The following CADPS variants were observed in gnomAD, a reference collection of about 807,000 sequenced individuals.
CADPS encodes the protein calcium-dependent secretion activator 1.
In CADPS, 57 loss-of-function variants were observed where a neutral mutation model predicts 167.3. The ratio of observed to expected loss-of-function variants is 0.34; its 90% CI spans 0.28 to 0.42. The LOEUF is 0.42. Among genes scored for constraint, CADPS ranks in the 20% least tolerant of loss-of-function variants. The probability of loss-of-function intolerance (pLI) is 1.00; values close to 1 mark genes in which losing one functional copy is unlikely to be tolerated. For missense variants in CADPS, 1,414 were observed against 1,738.1 expected (o/e 0.81, Z 3.32); for synonymous variants, 676 against 635.3 (o/e 1.06, Z -0.96).
At chr3:62,737,717 T>C (rs554294566) in intron 3 of CADPS, among the ~76,000 whole-genome samples, 1 of 152,296 alleles carries the variant, frequency 6.6e-6, no homozygotes, top group East Asian at 1.9e-4. Flanking sequence ...CACACTGATC[T>C]TATGTCTTGG....
chr3:62,402,029 GTCCATAGTCTAAGTGTATACAT>G (rs1429016680), intron 29 of CADPS, among the ~76,000 whole-genome samples: 1 of 152,154 alleles, frequency 6.6e-6, no homozygotes, highest in Non-Finnish European at 1.5e-5. Context: ...ATGAGGCTGG[GTCCATAGTCTAAGTGTATACAT>G]TCGTTTTTTA....
Position 62,399,720 on chromosome 3 carries a change from G to C in CADPS, c.3883-135C>G. 1 of 654,984 alleles carries C rather than the reference G, an allele frequency of 1.5e-6. No homozygotes were observed. The highest frequency in any genetic ancestry group is 2.6e-5 in the East Asian group (1 of 38,340). The allele number at this position is 654,984 out of a possible 1,614,324, so 40.6% of individuals were successfully genotyped here. A position where few individuals can be genotyped will look rare whatever the true frequency, so the allele number is the denominator to read the frequency against. On this transcript the variant is annotated intron_variant, in intron 29 of 29. Coordinates refer to ENST00000383710, the MANE Select transcript of CADPS (RefSeq NM_003716.4). The surrounding 1 kb of genome is among the most constrained non-coding windows in gnomAD (Gnocchi z 5.6). ...CACTTTATGCATTGTCAAATAAAAA[G>C]CCACTGTGCTTAGATTTCACTTGTA...
At chr3:62,407,430 G>A (rs932736777) in intron 28 of CADPS, among the ~76,000 whole-genome samples, 4 of 152,126 alleles carry the variant, frequency 2.6e-5, no homozygotes, top group South Asian at 2.1e-4. Flanking sequence ...CTAGATTTAC[G>A]TCTTGAATTA....
chr3:62,682,291 CA>C (rs1292396501), intron 3 of CADPS, among the ~76,000 whole-genome samples: 1 of 151,124 alleles, frequency 6.6e-6, no homozygotes, highest in African/African-American at 2.4e-5. Context: ...TACTTTAGCA[CA>C]GGGAATCTAC....
intron 28 of CADPS, among the ~76,000 whole-genome samples, chr3:62,419,131 G>T (rs2050787793): frequency 6.6e-6 from 1 of 152,128 alleles, no homozygotes; most frequent in African/African-American, 2.4e-5. Context: ...AAAAGGAATG[G>T]CTCTCTTATG....
chr3:62,540,436 ATTAACT>A, intron 11 of CADPS, among the ~76,000 whole-genome samples: 1 of 152,128 alleles, frequency 6.6e-6, no homozygotes, highest in African/African-American at 2.4e-5. Flanking sequence ...AGGAGGGGTT[ATTAACT>A]GGCTTACTCT....
chr3:62,653,231 G>T (rs1173591380), intron 4 of CADPS, among the ~76,000 whole-genome samples: 1 of 152,074 alleles, frequency 6.6e-6, no homozygotes, highest in African/African-American at 2.4e-5. Flanking sequence ...ATTTGAAGAT[G>T]GGCCTTGGGA....
At chr3:62,762,522 T>C (rs2085730773) in intron 2 of CADPS, among the ~76,000 whole-genome samples, 1 of 151,884 alleles carries the variant, frequency 6.6e-6, no homozygotes, top group Admixed American at 6.6e-5. Flanking sequence ...TCTGGCATGG[T>C]GGCATGCACC....
chr3:62,449,009 C>T (rs1401153532), intron 26 of CADPS, among the ~76,000 whole-genome samples: 1 of 152,148 alleles, frequency 6.6e-6, no homozygotes, highest in Non-Finnish European at 1.5e-5. Flanking sequence ...AGGCATCTTG[C>T]CTAGAAAAAG....
intron 26 of CADPS, among the ~76,000 whole-genome samples, chr3:62,451,034 G>A (rs770165671): frequency 2.0e-5 from 3 of 151,756 alleles, no homozygotes; most frequent in Non-Finnish European, 4.4e-5. Context: ...CTATATTTAA[G>A]TCTTAATTTT....
At chr3:62,691,348 T>G (rs538342857) in intron 3 of CADPS, among the ~76,000 whole-genome samples, 40 of 152,092 alleles carry the variant, frequency 2.6e-4, no homozygotes, top group Admixed American at 9.8e-4. Context: ...GATATATCAG[T>G]GTAGGCTCAT....
intron 26 of CADPS, among the ~76,000 whole-genome samples, chr3:62,447,980 C>G (rs1052554075): frequency 6.6e-6 from 1 of 151,846 alleles, no homozygotes; most frequent in Non-Finnish European, 1.5e-5. Context: ...CTTTAAGCCA[C>G]CCTGCAAAAA....
intron 10 of CADPS, 74 bp from the exon 11 acceptor site, chr3:62,550,189 A>C: frequency 8.2e-7 from 1 of 1,224,110 alleles, no homozygotes; most frequent in Non-Finnish European, 1.2e-6. Flanking sequence ...CCTTTGAAAA[A>C]GCAGTTTCTG....
At chr3:62,795,100 C>T (rs1002950318) in intron 1 of CADPS, among the ~76,000 whole-genome samples, 1 of 152,034 alleles carries the variant, frequency 6.6e-6, no homozygotes, top group Admixed American at 6.6e-5. Context: ...CGGAAAATGG[C>T]CATATAATTA....
At chr3:62,826,032 T>C (rs1388909185) in intron 1 of CADPS, among the ~76,000 whole-genome samples, 1 of 152,156 alleles carries the variant, frequency 6.6e-6, no homozygotes, top group Non-Finnish European at 1.5e-5. Context: ...TATAAATAAC[T>C]GAAAAATGGG....
chr3:62,553,461 G>A (rs2077629168), intron 10 of CADPS, among the ~76,000 whole-genome samples: 2 of 152,224 alleles, frequency 1.3e-5, no homozygotes, highest in South Asian at 4.1e-4. Context: ...ATGTGTCAGA[G>A]CTGGCTTTTG....
At chr3:62,696,785 C>T (rs560955929) in intron 3 of CADPS, among the ~76,000 whole-genome samples, 2 of 152,166 alleles carry the variant, frequency 1.3e-5, no homozygotes, top group African/African-American at 4.8e-5. Context: ...GTAAGGCATC[C>T]TCATCAATTA....
chr3:62,740,431 A>C (rs779154112), intron 3 of CADPS, among the ~76,000 whole-genome samples: 1 of 152,236 alleles, frequency 6.6e-6, no homozygotes, highest in African/African-American at 2.4e-5. Context: ...TTTAATACAC[A>C]GTAGCAAAGA....
chr3:62,701,955 C>T (rs903834438), intron 3 of CADPS, among the ~76,000 whole-genome samples: 2 of 152,128 alleles, frequency 1.3e-5, no homozygotes, highest in Non-Finnish European at 2.9e-5. Context: ...AGTTAAATAT[C>T]TCCACAGGTA....
Sources: allele counts gnomAD v4.1 joint callset (sites outside exome capture counted in the v4.1 genomes callset), GRCh38; gene constraint gnomAD v4.1.1; non-coding constraint Gnocchi (gnomAD v3.1); transcripts MANE v1.5; gene names NCBI Gene and HGNC (gene_info 2026-07-23, HGNC 2026-07-21).